PACRG: variants seen among roughly 807,000 people sequenced by gnomAD.
The protein encoded by PACRG is parkin coregulated gene protein.
Under a neutral mutation model 29.7 loss-of-function variants are expected in PACRG, and 29 were observed. The ratio of observed to expected loss-of-function variants is 0.98; its 90% CI spans 0.73 to 1.33. The LOEUF is 1.33. Among genes scored for constraint, PACRG ranks in the 40% most tolerant of loss-of-function variants. The probability of loss-of-function intolerance (pLI) is 0.00; values close to 1 mark genes in which losing one functional copy is unlikely to be tolerated. For missense variants in PACRG, 279 were observed against 316.2 expected, an observed-to-expected ratio of 0.88 and a Z score of 0.89; for synonymous variants, 116 against 118.7, an observed-to-expected ratio of 0.98 and a Z score of 0.15.
At chr6:162,766,715 A>G (rs755408737) in intron 1 of PACRG, among the ~76,000 whole-genome samples, 3 of 152,162 alleles carry the variant, frequency 2.0e-5, no homozygotes, top group Non-Finnish European at 2.9e-5. Context: ...ATATTTTTCT[A>G]AAGATTTTTA....
intron 2 of PACRG, among the ~76,000 whole-genome samples, chr6:163,039,008 C>T (rs1397046143): frequency 6.6e-6 from 1 of 151,934 alleles, no homozygotes; most frequent in Non-Finnish European, 1.5e-5. Context: ...GATCTATGTC[C>T]CCACTCAAAT....
At chr6:163,140,623 A>C (rs1817116006) in intron 4 of PACRG, among the ~76,000 whole-genome samples, 1 of 152,204 alleles carries the variant, frequency 6.6e-6, no homozygotes, top group Non-Finnish European at 1.5e-5. Context: ...ATAAGTCTGC[A>C]AATAAAAAAT....
intron 4 of PACRG, among the ~76,000 whole-genome samples, chr6:163,096,636 C>G (rs1814617252): frequency 5.9e-5 from 9 of 152,120 alleles, no homozygotes; most frequent in Admixed American, 5.2e-4. Flanking sequence ...AGCTCATTGA[C>G]TTGCAGAGAA....
At position 163,091,935 on chromosome 6, in the gene PACRG, A is replaced by G. The variant is rs567438626; in HGVS notation, c.613+2527A>G. ...ACATTAGAAATTGACAGTATGTAGC[A>G]GTAGAAAAAACTCATCCTAAATTTC... On this transcript the variant is annotated intron_variant, in intron 4 of 4. Transcript: ENST00000366888. 6.6e-4 allele frequency among the ~76,000 whole-genome samples: 101 copies of G among 152,346 alleles called. 1 individual carries two copies. Among genetic ancestry groups the G allele is most frequent in the African/African-American group, 2.4e-3 (98 of 41,576 alleles).
intron 4 of PACRG, among the ~76,000 whole-genome samples, chr6:163,195,577 C>T (rs1780414646): frequency 6.6e-6 from 1 of 152,136 alleles, no homozygotes; most frequent in African/African-American, 2.4e-5. Context: ...CAGAAGTGTG[C>T]TTTAAAGACA....
chr6:163,163,433 G>C (rs1274147436), intron 4 of PACRG, among the ~76,000 whole-genome samples: 1 of 152,066 alleles, frequency 6.6e-6, no homozygotes, highest in Non-Finnish European at 1.5e-5. Flanking sequence ...CACCACGCCC[G>C]ACTAATTTTT....
At chr6:163,121,616 A>C (rs2128324853) in intron 4 of PACRG, among the ~76,000 whole-genome samples, 1 of 150,796 alleles carries the variant, frequency 6.6e-6, no homozygotes, top group South Asian at 2.1e-4. Context: ...CATTTTCCTA[A>C]GTTTATTTTA....
intron 4 of PACRG, among the ~76,000 whole-genome samples, chr6:163,290,573 C>A (rs1585404297): frequency 6.6e-6 from 1 of 152,292 alleles, no homozygotes; most frequent in East Asian, 1.9e-4. Flanking sequence ...GGAACCTGGG[C>A]AAACCACTTC....
chr6:162,899,473 G>C (rs9346939), intron 2 of PACRG, among the ~76,000 whole-genome samples: 88,992 of 151,938 alleles, frequency 0.59, 26,689 homozygotes, highest in African/African-American at 0.7. Flanking sequence ...AGCCCGTGCC[G>C]GACCTTCTGA....
chr6:162,744,768 A>G (rs1317159136), intron 1 of PACRG, among the ~76,000 whole-genome samples: 1 of 152,210 alleles, frequency 6.6e-6, no homozygotes, highest in African/African-American at 2.4e-5. Flanking sequence ...CTCACTGCTA[A>G]AAATCAAATG....
At chr6:162,888,874 A>G (rs1206019184) in intron 2 of PACRG, among the ~76,000 whole-genome samples, 1 of 152,194 alleles carries the variant, frequency 6.6e-6, no homozygotes, top group African/African-American at 2.4e-5. Context: ...GCTGCTGCCC[A>G]AATAGGAAGG....
chr6:162,968,012 TTTTG>T (rs1801194312), intron 2 of PACRG, among the ~76,000 whole-genome samples: 1 of 152,216 alleles, frequency 6.6e-6, no homozygotes, highest in Non-Finnish European at 1.5e-5. Context: ...TAAAGAATAT[TTTTG>T]TTCAGCTAAC....
At chr6:163,222,047 C>T (rs1265436865) in intron 4 of PACRG, among the ~76,000 whole-genome samples, 1 of 152,184 alleles carries the variant, frequency 6.6e-6, no homozygotes, top group Admixed American at 6.5e-5. Context: ...GCTGATGGAA[C>T]ATTTTTCCTA....
chr6:162,859,931 C>T (rs932862566), intron 2 of PACRG, among the ~76,000 whole-genome samples: 1 of 151,986 alleles, frequency 6.6e-6, no homozygotes, highest in Non-Finnish European at 1.5e-5. Flanking sequence ...CTTGTTAATC[C>T]GCCTTCTGTT....
Position 162,853,360 on chromosome 6 carries a change from G to C in PACRG, c.291+39079G>C, listed in dbSNP as rs1179319168. Among the ~76,000 whole-genome samples the C allele has an allele frequency of 7.2e-6, 1 of 139,122 alleles. No individual in the cohort carries two copies. The highest frequency in any genetic ancestry group is 3.4e-5 in the African/African-American group (1 of 29,584). The allele number at this position is 139,122 out of a possible 152,430, so 91.3% of individuals were successfully genotyped here. On this transcript the variant is annotated intron_variant, in intron 2 of 4. Transcript: ENST00000366888. The surrounding 1 kb of genome is among the most constrained non-coding windows in gnomAD (Gnocchi z 4.7). ...TCTTTTGCTTTTCTTTGCAATACCT[G>C]GTTGAACCACTGACTTACCGTACGT...
intron 4 of PACRG, among the ~76,000 whole-genome samples, chr6:163,103,531 A>G (rs1346533187): frequency 6.6e-6 from 1 of 151,866 alleles, no homozygotes; most frequent in Non-Finnish European, 1.5e-5. Context: ...TTTTTTTGTT[A>G]CAAGGCATGG....
intron 2 of PACRG, among the ~76,000 whole-genome samples, chr6:162,908,877 T>G (rs2128072503): frequency 6.6e-6 from 1 of 152,188 alleles, no homozygotes; most frequent in East Asian, 1.9e-4. Context: ...AGATGGAAGC[T>G]GGGTGGGCAT....
intron 2 of PACRG, among the ~76,000 whole-genome samples, chr6:162,994,739 C>T (rs922679529): frequency 7.3e-4 from 109 of 149,350 alleles, no homozygotes; most frequent in African/African-American, 2.5e-3. Flanking sequence ...CTTCTCTCAG[C>T]TCGTCAAAGT....
At chr6:163,101,272 C>A (rs1815070323) in intron 4 of PACRG, 1 of 982,194 alleles carries the variant, frequency 1.0e-6, no homozygotes, top group African/African-American at 1.8e-5. Context: ...TGTAATTGGG[C>A]CATAATGACA....
Sources: gnomAD v4.1 joint callset for allele counts (sites outside exome capture counted in the v4.1 genomes callset) on GRCh38, gnomAD v4.1.1 for gene constraint, Gnocchi (gnomAD v3.1) non-coding constraint, MANE v1.5 for transcripts, NCBI Gene and HGNC (gene_info 2026-07-23, HGNC 2026-07-21) for gene names.